DLG2: variants seen among roughly 807,000 people sequenced by gnomAD.
DLG2 encodes the protein disks large homolog 2.
DLG2 carries 45 observed loss-of-function variants against 132.5 expected under a neutral mutation model. That is an observed-to-expected ratio of 0.34 (90% CI 0.27 to 0.44). The LOEUF is 0.44. Ranked by LOEUF, DLG2 falls within the 20% of genes least tolerant of loss-of-function variation. DLG2 has a pLI of 1.00. For synonymous variants in DLG2, 424 were observed against 419.6 expected, an observed-to-expected ratio of 1.01 and a Z score of -0.13; for missense variants, 1,045 against 1,196.9, an observed-to-expected ratio of 0.87 and a Z score of 1.87.
Position 84,970,664 on chromosome 11 carries a change from T to A in DLG2, c.357+140997A>T, listed in dbSNP as rs1008011193. Among the ~76,000 whole-genome samples the A allele has an allele frequency of 5.3e-5, 8 of 152,274 alleles. 2 individuals carry two copies. In the South Asian group the frequency reaches 1.7e-3, roughly 32 times the overall value. On this transcript the variant is annotated intron_variant, in intron 6 of 27. Transcript: ENST00000376104. ...CTTTAGGGGTTAGGACTTCGACATA[T>A]GAATTTTGGAAGGACACAAGCATTC...
intron 3 of DLG2, among the ~76,000 whole-genome samples, chr11:85,474,052 C>T (rs1289089078): frequency 1.3e-5 from 2 of 151,972 alleles, no homozygotes; most frequent in East Asian, 3.8e-4. Flanking sequence ...AAAACTCCAA[C>T]TCTATGTTTC....
At chr11:85,078,507 C>G (rs2066840800) in intron 6 of DLG2, among the ~76,000 whole-genome samples, 2 of 151,802 alleles carry the variant, frequency 1.3e-5, no homozygotes. Flanking sequence ...AGAAGGGGTA[C>G]ATCTTGAGAT....
Position 85,285,299 on chromosome 11 carries a change from T to A in DLG2, c.107A>T (p.Glu36Val). 1 of 1,612,116 alleles carries A rather than the reference T, an allele frequency of 6.2e-7. No individual in the cohort carries two copies. Among genetic ancestry groups the A allele is most frequent in the Non-Finnish European group, 8.5e-7 (1 of 1,178,688 alleles). The change falls in exon 4 of 28, where the codon GAA becomes GTA. Residue 36 changes from glutamate to valine, a missense_variant. Coordinates refer to ENST00000376104, the MANE Select transcript of DLG2 (RefSeq NM_001142699.3). ...CCATTTCTGTAAAACTTGATTGGCT[T>A]CTTCTATCTTCTGCTCACAACTTTT... ...SQKSCEQKIE[E>V]ANQVLQKWEK...
At chr11:84,036,507 G>A (rs555104676) in intron 11 of DLG2, among the ~76,000 whole-genome samples, 1 of 152,012 alleles carries the variant, frequency 6.6e-6, no homozygotes, top group Non-Finnish European at 1.5e-5. Context: ...TTAACTCAAA[G>A]GCATCATGAA....
At chr11:83,615,119 C>G (rs1193448760) in intron 19 of DLG2, among the ~76,000 whole-genome samples, 1 of 152,088 alleles carries the variant, frequency 6.6e-6, no homozygotes, top group African/African-American at 2.4e-5. Flanking sequence ...TATTCATTAC[C>G]AGGCAAGTTT....
intron 6 of DLG2, among the ~76,000 whole-genome samples, chr11:84,866,268 G>A (rs1566199904): frequency 6.6e-6 from 1 of 152,058 alleles, no homozygotes; most frequent in African/African-American, 2.4e-5. Flanking sequence ...GTATGTGTCT[G>A]TCCCTTCCAA....
At chr11:83,935,773 C>A (rs995762150) in intron 14 of DLG2, among the ~76,000 whole-genome samples, 1 of 152,186 alleles carries the variant, frequency 6.6e-6, no homozygotes, top group South Asian at 2.1e-4. Flanking sequence ...TTATAAATTG[C>A]AAAATTATGC....
intron 7 of DLG2, among the ~76,000 whole-genome samples, chr11:84,477,924 T>C (rs1457836608): frequency 6.6e-6 from 1 of 152,194 alleles, no homozygotes; most frequent in Non-Finnish European, 1.5e-5. Flanking sequence ...TACAATTTTA[T>C]GTGTATTACA....
chr11:85,427,067 A>G (rs1479454477), intron 3 of DLG2, among the ~76,000 whole-genome samples: 3 of 152,216 alleles, frequency 2.0e-5, no homozygotes, highest in African/African-American at 7.2e-5. Context: ...TGAGAAGGGA[A>G]GTTTAGAGAA....
At chr11:85,182,012 G>A (rs2079737234) in intron 4 of DLG2, among the ~76,000 whole-genome samples, 1 of 151,902 alleles carries the variant, frequency 6.6e-6, no homozygotes, top group Non-Finnish European at 1.5e-5. Flanking sequence ...TGGTGATGAA[G>A]AAAGTACACA....
At chr11:84,754,317 G>A (rs907526506) in intron 6 of DLG2, among the ~76,000 whole-genome samples, 2 of 152,130 alleles carry the variant, frequency 1.3e-5, no homozygotes, top group South Asian at 2.1e-4. Flanking sequence ...ATATTGAACA[G>A]TATCCTTTAT....
At chr11:83,968,512 T>C (rs1028997656) in intron 12 of DLG2, among the ~76,000 whole-genome samples, 1 of 152,226 alleles carries the variant, frequency 6.6e-6, no homozygotes, top group African/African-American at 2.4e-5. Context: ...ATATTAGAGA[T>C]ATGATAAATA....
intron 18 of DLG2, among the ~76,000 whole-genome samples, chr11:83,660,985 C>T (rs2074115295): frequency 6.6e-6 from 1 of 152,114 alleles, no homozygotes; most frequent in Non-Finnish European, 1.5e-5. Flanking sequence ...AACAACCCTG[C>T]AGACTGATAT....
chr11:84,356,951 G>A (rs771214035), intron 7 of DLG2, among the ~76,000 whole-genome samples: 7 of 152,036 alleles, frequency 4.6e-5, no homozygotes, highest in African/African-American at 7.2e-5. Context: ...AGGGCTATTG[G>A]GTAGAAATCA....
chr11:85,302,499 C>T (rs2079649141), intron 3 of DLG2, among the ~76,000 whole-genome samples: 1 of 151,998 alleles, frequency 6.6e-6, no homozygotes, highest in Admixed American at 6.6e-5. Flanking sequence ...ATAAGCTATC[C>T]CAGACTGACT....
chr11:84,502,198 CTCTCCTTCCTTCCTTCCT>C (rs1268200655), intron 7 of DLG2, among the ~76,000 whole-genome samples: 117 of 9,042 alleles, frequency 0.013, 30 homozygotes, highest in Non-Finnish European at 0.018. Flanking sequence ...CTCTCTCTCT[CTCTCCTTCCTTCCTTCCT>C]TCCTTCCTTC....
intron 18 of DLG2, among the ~76,000 whole-genome samples, chr11:83,758,457 T>C (rs746748189): frequency 1.3e-5 from 2 of 152,214 alleles, no homozygotes; most frequent in Non-Finnish European, 2.9e-5. Context: ...TTCTATTCTC[T>C]AGTCACATTT....
At chr11:83,887,491 C>T (rs1411794579) in intron 15 of DLG2, among the ~76,000 whole-genome samples, 97 of 152,128 alleles carry the variant, frequency 6.4e-4, no homozygotes, top group African/African-American at 1.7e-3. Flanking sequence ...CAGGACCAGA[C>T]GGATTCACAG....
At chr11:84,609,947 T>G (rs1565447617) in intron 6 of DLG2, among the ~76,000 whole-genome samples, 1 of 152,310 alleles carries the variant, frequency 6.6e-6, no homozygotes, top group East Asian at 1.9e-4. Flanking sequence ...GAATAGGTTA[T>G]TCTATGAAAT....
Sources: allele counts gnomAD v4.1 joint callset (sites outside exome capture counted in the v4.1 genomes callset), GRCh38; gene constraint gnomAD v4.1.1; transcripts MANE v1.5; gene names NCBI Gene and HGNC (gene_info 2026-07-23, HGNC 2026-07-21).